GREP1: variants seen among roughly 807,000 people sequenced by gnomAD.
The protein encoded by GREP1 is glycine rich extracellular protein 1, also known as glycine-rich extracellular protein 1.
intron 33 of GREP1, 28 bp from the exon 28 acceptor site, chr16:3,001,253 G>T (rs2072460633): frequency 7.5e-6 from 3 of 399,050 alleles, no homozygotes; most frequent in Non-Finnish European, 1.3e-5. Context: ...TGACCCGAGT[G>T]CTCCTGGTCT....
intron 10 of GREP1, chr16:2,993,841 T>A (rs1254400566): frequency 6.6e-6 from 1 of 151,936 alleles, no homozygotes; most frequent in Non-Finnish European, 1.5e-5. Flanking sequence ...GCACCTGTAA[T>A]CCCAGCTACT....
intron 22 of GREP1, chr16:2,997,482 C>A (rs1223028238): frequency 2.0e-5 from 8 of 398,938 alleles, no homozygotes; most frequent in Non-Finnish European, 3.1e-5. Context: ...CCTGGCTCTC[C>A]CCTGACCCTG....
At chr16:2,996,377 G>C in intron 18 of GREP1, 119 bp from the exon 18 acceptor site, 1 of 397,934 alleles carries the variant, frequency 2.5e-6, no homozygotes, top group East Asian at 3.6e-5. Flanking sequence ...TGTAGGCCTG[G>C]GAGGGGGAGC....
intron 34 of GREP1, 54 bp downstream of exon 28, chr16:3,001,388 C>A (rs1170778481): frequency 2.5e-6 from 1 of 399,010 alleles, no homozygotes; most frequent in African/African-American, 2.1e-5. Flanking sequence ...CCCGTGGTCA[C>A]CCCTCCAGCC....
At chr16:2,988,490 A>G in intron 1 of GREP1, 100 bp from the exon 2 acceptor site, 1 of 398,948 alleles carries the variant, frequency 2.5e-6, no homozygotes, top group Non-Finnish European at 4.4e-6. Flanking sequence ...GAATTCAGAC[A>G]GTGAGGGTTT....
intron 21 of GREP1, chr16:2,997,367 G>T: frequency 2.5e-6 from 1 of 398,498 alleles, no homozygotes; most frequent in Non-Finnish European, 4.4e-6. Flanking sequence ...CAAACCCCCT[G>T]CTCACCCCTC....
chr16:3,000,914 C>A, intron 33 of GREP1, 87 bp downstream of exon 27: 1 of 397,828 alleles, frequency 2.5e-6, no homozygotes, highest in Non-Finnish European at 4.4e-6. Context: ...CCCACAGCCC[C>A]ACAGAGATAG....
At chr16:2,993,142 T>A (rs1189608572) in intron 10 of GREP1, 179 bp downstream of exon 11, 3 of 390,122 alleles carry the variant, frequency 7.7e-6, no homozygotes, top group Non-Finnish European at 1.4e-5. Flanking sequence ...GCCCTGGAGT[T>A]CTGGGAGCAT....
chr16:2,998,958 G>A, exon 26 of GREP1: 2 of 399,144 alleles, frequency 5.0e-6, no homozygotes, highest in Non-Finnish European at 8.8e-6. Flanking sequence ...CCCTTCCGCA[G>A]TGCAGAATGG....
intron 32 of GREP1, 74 bp from the exon 27 acceptor site, chr16:3,000,640 A>G: frequency 5.0e-6 from 2 of 398,870 alleles, no homozygotes; most frequent in Non-Finnish European, 8.8e-6. Context: ...CTGGGAGCAG[A>G]GCCAAGCCCA....
rs73484360 is a variant in GREP1 at position 2,992,314 on chromosome 16, T to C, written c.323-491T>C. ...CGTGAGCCCCTGCTCTCCTCTCCCC[T>C]ATCTTGACTGTTTCCCCTGCATCTA... is the stretch of plus-strand genomic sequence containing the variant. On this transcript the variant is annotated intron_variant, in intron 8 of 34. Transcript: ENST00000573315. The surrounding 1 kb of genome is among the most constrained non-coding windows in gnomAD (Gnocchi z 4.9). 0.051 allele frequency: 7,846 copies of C among 153,004 alleles called. 668 individuals carry two copies. Among genetic ancestry groups the C allele is most frequent in the African/African-American group, 0.18 (7,334 of 41,546 alleles). 9.5% of individuals were successfully genotyped at this position (153,004 alleles called of 1,614,324 possible).
At chr16:3,001,334 G>A (rs2072461214) in exon 34 of GREP1, 4 of 399,058 alleles carry the variant, frequency 1.0e-5, no homozygotes, top group Middle Eastern at 6.2e-4. Flanking sequence ...TGGCTACGGA[G>A]GTGAGAGGGA....
At chr16:2,993,420 A>G (rs983146539) in intron 10 of GREP1, 3 of 152,344 alleles carry the variant, frequency 2.0e-5, no homozygotes, top group African/African-American at 4.8e-5. Context: ...AGTTAGGTGG[A>G]TCAATTGAGC....
chr16:3,001,188 G>T (rs2072460247), intron 33 of GREP1, 93 bp from the exon 28 acceptor site: 4 of 399,208 alleles, frequency 1.0e-5, no homozygotes, highest in Non-Finnish European at 1.8e-5. Flanking sequence ...GCCCTCCGGG[G>T]AGGGGGTGTC....
chr16:2,996,148 G>A (rs1172211542), intron 18 of GREP1, among the ~76,000 whole-genome samples: 2 of 152,158 alleles, frequency 1.3e-5, no homozygotes, highest in Non-Finnish European at 2.9e-5. Context: ...GCTCAGGCTG[G>A]TCTCGAACTC....
chr16:3,000,007 G>A (rs982014027), intron 28 of GREP1, 64 bp downstream of exon 25: 5 of 398,850 alleles, frequency 1.3e-5, no homozygotes, highest in African/African-American at 2.1e-5. Flanking sequence ...TCTTCCTTCT[G>A]CCATCCCAGG....
chr16:2,988,497 GT>G, intron 1 of GREP1, 92 bp from the exon 2 acceptor site: 1 of 398,806 alleles, frequency 2.5e-6, no homozygotes, highest in Non-Finnish European at 4.4e-6. Flanking sequence ...GACAGTGAGG[GT>G]TTTTGGGGGC....
Position 2,995,718 on chromosome 16 carries a change from GC to G in GREP1, c.590-15del. 2.5e-6 allele frequency: 1 copy of G among 398,706 alleles called. No individual in the cohort carries two copies. Among genetic ancestry groups the G allele is most frequent in the Non-Finnish European group, 4.4e-6 (1 of 226,138 alleles). 24.7% of individuals were successfully genotyped at this position (398,706 alleles called of 1,614,324 possible). A position where few individuals can be genotyped will look rare whatever the true frequency, so the allele number is the denominator to read the frequency against. On this transcript the variant is annotated intron_variant, in intron 16 of 34. Coordinates refer to ENST00000573315, the Ensembl canonical transcript of GREP1. ...GGTGGGGCCCCTGAGTCACTCACCAGCCCCCCTATATCTCCTCCAGGCCTTG... is the reference window on the plus strand; with the variant it reads ...GGTGGGGCCCCTGAGTCACTCACCAGCCCCCTATATCTCCTCCAGGCCTTG...
Position 2,992,840 on chromosome 16 carries a change from GA to G in GREP1, c.352+7del. 2.5e-6 allele frequency: 1 copy of G among 399,172 alleles called. No homozygotes were observed. The highest frequency in any genetic ancestry group is 1.3e-4 in the South Asian group (1 of 7,864). 24.7% of individuals were successfully genotyped at this position (399,172 alleles called of 1,614,324 possible). A position where few individuals can be genotyped will look rare whatever the true frequency, so the allele number is the denominator to read the frequency against. ...TCAAAATGGCTTTGGACCAGGTAAA[GA>G]GGGTGGGGACGGAAGCGGGGAGCCT... On this transcript the variant is annotated splice_region_variant and intron_variant, in intron 9 of 34. Coordinates refer to ENST00000573315, the Ensembl canonical transcript of GREP1. The surrounding 1 kb of genome is among the most constrained non-coding windows in gnomAD (Gnocchi z 4.9).
Sources: allele counts gnomAD v4.1 joint callset (sites outside exome capture counted in the v4.1 genomes callset), GRCh38; gene constraint gnomAD v4.1.1; non-coding constraint Gnocchi (gnomAD v3.1); transcripts MANE v1.5; gene names NCBI Gene and HGNC (gene_info 2026-07-23, HGNC 2026-07-21).